The following KCNAB1 variants were observed in gnomAD, a reference collection of about 807,000 sequenced individuals.
KCNAB1 encodes the protein potassium voltage-gated channel subfamily A regulatory beta subunit 1, also known as voltage-gated potassium channel subunit beta-1.
KCNAB1 carries 35 observed loss-of-function variants against 64.6 expected under a neutral mutation model. The observed-to-expected ratio is 0.54, with a 90% CI of 0.41 to 0.72. The LOEUF (loss-of-function observed/expected upper bound fraction) is 0.72. KCNAB1 is among the 30% of genes least tolerant of loss of function. KCNAB1 has a pLI of 0.00. For missense variants in KCNAB1, 401 were observed against 512.9 expected (o/e 0.78, Z 2.11); for synonymous variants, 177 against 183.8 (o/e 0.96, Z 0.30).
At chr3:156,406,938 G>A (rs777944025) in intron 1 of KCNAB1, among the ~76,000 whole-genome samples, 2 of 152,198 alleles carry the variant, frequency 1.3e-5, no homozygotes, top group Non-Finnish European at 2.9e-5. Context: ...ATGGGAGTGT[G>A]ACCTGGCCCC....
At chr3:156,443,782 T>A (rs1717195495) in intron 2 of KCNAB1, among the ~76,000 whole-genome samples, 2 of 136,530 alleles carry the variant, frequency 1.5e-5, no homozygotes, top group Admixed American at 7.2e-5. Flanking sequence ...ACACACACAC[T>A]ATTCTTTACT....
intron 8 of KCNAB1, among the ~76,000 whole-genome samples, chr3:156,484,771 T>C (rs1397603915): frequency 6.6e-6 from 1 of 152,076 alleles, no homozygotes; most frequent in Non-Finnish European, 1.5e-5. Flanking sequence ...CCCTCGAGTC[T>C]CTCTCTTACT....
chr3:156,147,043 T>C (rs1483643050), intron 1 of KCNAB1, among the ~76,000 whole-genome samples: 4 of 152,124 alleles, frequency 2.6e-5, no homozygotes, highest in Non-Finnish European at 4.4e-5. Context: ...ACAAAGAAGA[T>C]AGAAAAAACA....
chr3:156,383,014 C>G (rs1327991994), intron 1 of KCNAB1, among the ~76,000 whole-genome samples: 1 of 152,186 alleles, frequency 6.6e-6, no homozygotes, highest in African/African-American at 2.4e-5. Context: ...CTTTCTACGT[C>G]TGAACTTTGT....
At chr3:156,381,887 A>T (rs935477225) in intron 1 of KCNAB1, among the ~76,000 whole-genome samples, 2 of 152,226 alleles carry the variant, frequency 1.3e-5, no homozygotes, top group Non-Finnish European at 2.9e-5. Context: ...CCTTGCACAG[A>T]TGCTTAACAT....
chr3:156,384,349 C>G (rs1237321364), intron 1 of KCNAB1, among the ~76,000 whole-genome samples: 1 of 152,202 alleles, frequency 6.6e-6, no homozygotes, highest in African/African-American at 2.4e-5. Context: ...TGTCCTTCTA[C>G]TCTGCAGCCT....
At chr3:156,485,771 T>C (rs2108341317) in intron 8 of KCNAB1, among the ~76,000 whole-genome samples, 1 of 152,126 alleles carries the variant, frequency 6.6e-6, no homozygotes, top group East Asian at 1.9e-4. Flanking sequence ...GGAGTCCCCA[T>C]TGTCTAGTAT....
chr3:156,247,583 G>A (rs992852803), intron 1 of KCNAB1, among the ~76,000 whole-genome samples: 6 of 152,104 alleles, frequency 3.9e-5, no homozygotes, highest in African/African-American at 1.4e-4. Context: ...GGGAGAGGAA[G>A]ATAGTGTCTT....
intron 1 of KCNAB1, among the ~76,000 whole-genome samples, chr3:156,134,617 A>T (rs777536254): frequency 2.0e-5 from 3 of 152,238 alleles, no homozygotes; most frequent in Admixed American, 1.3e-4. Flanking sequence ...TAACATTTGA[A>T]TCTGTTTGGG....
At chr3:156,342,980 A>G (rs962957617) in intron 1 of KCNAB1, among the ~76,000 whole-genome samples, 2 of 152,176 alleles carry the variant, frequency 1.3e-5, no homozygotes, top group African/African-American at 4.8e-5. Context: ...GTTTACATAC[A>G]TGTTAAGGAA....
At chr3:156,181,710 T>A (rs1316098023) in intron 1 of KCNAB1, among the ~76,000 whole-genome samples, 1 of 152,128 alleles carries the variant, frequency 6.6e-6, no homozygotes, top group Non-Finnish European at 1.5e-5. Flanking sequence ...GGTGACTAGT[T>A]GGCTGTGTGT....
At chr3:156,493,126 C>T (rs1365100710) in intron 8 of KCNAB1, among the ~76,000 whole-genome samples, 2 of 152,022 alleles carry the variant, frequency 1.3e-5, no homozygotes, top group Non-Finnish European at 1.5e-5. Flanking sequence ...TTTAGAAACA[C>T]ACAACCAATT....
rs1714605785 is a variant in KCNAB1, at chr3:156,139,861, T to C, written c.275+18975T>C. 3.3e-5 allele frequency among the ~76,000 whole-genome samples: 5 copies of C among 152,272 alleles called. No homozygotes were observed. In the South Asian group the frequency reaches 1.0e-3, roughly 32 times the overall value. Reference sequence around the variant, plus strand: ...ACAGTCCCTTCCCTAAAAGAGCTTATAATCTGGATGGGGAGTTAAGAGGTA... The same window carrying C: ...ACAGTCCCTTCCCTAAAAGAGCTTACAATCTGGATGGGGAGTTAAGAGGTA... On this transcript the variant is annotated intron_variant, in intron 1 of 13. Coordinates refer to ENST00000490337, the MANE Select transcript of KCNAB1 (RefSeq NM_172160.3).
chr3:156,445,271 G>A (rs193286540), intron 2 of KCNAB1, among the ~76,000 whole-genome samples: 1 of 152,288 alleles, frequency 6.6e-6, no homozygotes, highest in Non-Finnish European at 1.5e-5. Flanking sequence ...ACTCAGGCCT[G>A]GGTGACAGAG....
Position 156,536,945 on chromosome 3 carries a change from T to C in KCNAB1, c.*198T>C. The C allele has an allele frequency of 8.4e-6, 5 of 597,990 alleles. No homozygotes were observed. The highest frequency in any genetic ancestry group is 1.5e-5 in the Non-Finnish European group (5 of 336,418). 37.0% of individuals were successfully genotyped at this position (597,990 alleles called of 1,614,324 possible). A position where few individuals can be genotyped will look rare whatever the true frequency, so the allele number is the denominator to read the frequency against. ...AACTCACAACCAAGAAAATCCATTC[T>C]ATTTTCTTATCTTGGACTGGAGTCA... On this transcript the variant is annotated 3_prime_UTR_variant, in exon 14 of 14. Coordinates refer to ENST00000490337, the MANE Select transcript of KCNAB1 (RefSeq NM_172160.3).
chr3:156,401,822 A>G (rs920567013), intron 1 of KCNAB1, among the ~76,000 whole-genome samples: 1 of 152,240 alleles, frequency 6.6e-6, no homozygotes, highest in African/African-American at 2.4e-5. Context: ...ATTGCCTGGC[A>G]AGGCAGCATT....
intron 12 of KCNAB1, among the ~76,000 whole-genome samples, chr3:156,529,552 G>T (rs568311893): frequency 6.6e-6 from 1 of 151,836 alleles, no homozygotes; most frequent in Non-Finnish European, 1.5e-5. Context: ...ACCTAGGAGT[G>T]TGTTAAAAAT....
intron 1 of KCNAB1, among the ~76,000 whole-genome samples, chr3:156,363,908 C>G (rs758186266): frequency 7.2e-5 from 11 of 152,220 alleles, no homozygotes; most frequent in Non-Finnish European, 1.5e-4. Flanking sequence ...CTCCATGATG[C>G]TGGATCATAC....
At chr3:156,324,372 G>T (rs1722843753) in intron 1 of KCNAB1, among the ~76,000 whole-genome samples, 1 of 152,118 alleles carries the variant, frequency 6.6e-6, no homozygotes, top group Admixed American at 6.6e-5. Flanking sequence ...AGTAGAAAGT[G>T]GTTTCATTAA....
Sources: allele counts gnomAD v4.1 joint callset (sites outside exome capture counted in the v4.1 genomes callset), GRCh38; gene constraint gnomAD v4.1.1; transcripts MANE v1.5; gene names NCBI Gene and HGNC (gene_info 2026-07-23, HGNC 2026-07-21).